The following ADGRL3 variants were observed in gnomAD, a reference collection of about 807,000 sequenced individuals.
The protein encoded by ADGRL3 is adhesion G protein-coupled receptor L3, also known as calcium-independent alpha-latrotoxin receptor 3.
ADGRL3 carries 62 observed loss-of-function variants against 153.5 expected under a neutral mutation model. The ratio of observed to expected loss-of-function variants is 0.40; its 90% confidence interval spans 0.33 to 0.50. The LOEUF is 0.50. Among genes scored for constraint, ADGRL3 ranks in the 20% least tolerant of loss-of-function variants. The pLI is 0.47. For synonymous variants in ADGRL3, 710 were observed against 672.5 expected, an observed-to-expected ratio of 1.06 and a Z score of -0.86; for missense variants, 1,641 against 1,859.4, an observed-to-expected ratio of 0.88 and a Z score of 2.16.
intron 4 of ADGRL3, among the ~76,000 whole-genome samples, chr4:61,586,334 C>T (rs1315299230): frequency 6.6e-6 from 1 of 151,928 alleles, no homozygotes; most frequent in Non-Finnish European, 1.5e-5. Flanking sequence ...GACACAAAAA[C>T]ACCAAGACCT....
At chr4:61,287,240 T>C (rs1429366612) in intron 1 of ADGRL3, among the ~76,000 whole-genome samples, 2 of 151,908 alleles carry the variant, frequency 1.3e-5, no homozygotes, top group Admixed American at 6.6e-5. Context: ...TTGAATACTT[T>C]AGGATTTTAG....
At chr4:61,460,374 G>A (rs532052642) in intron 2 of ADGRL3, among the ~76,000 whole-genome samples, 83 of 152,200 alleles carry the variant, frequency 5.5e-4, no homozygotes, top group African/African-American at 1.8e-3. Flanking sequence ...CCATAAAAGG[G>A]AATGAAATTC....
chr4:61,901,276 C>T (rs374196294), intron 11 of ADGRL3, among the ~76,000 whole-genome samples: 4 of 152,228 alleles, frequency 2.6e-5, no homozygotes, highest in East Asian at 3.9e-4. Flanking sequence ...CCAGATACCG[C>T]GAGGTTATTC....
At chr4:61,497,776 G>A (rs1184053311) in intron 3 of ADGRL3, among the ~76,000 whole-genome samples, 1 of 150,568 alleles carries the variant, frequency 6.6e-6, no homozygotes, top group Non-Finnish European at 1.5e-5. Context: ...CGCCCTCCTT[G>A]GCCTCCCAAA....
chr4:61,239,677 A>C (rs1333798574), intron 1 of ADGRL3, among the ~76,000 whole-genome samples: 1 of 152,108 alleles, frequency 6.6e-6, no homozygotes, highest in Non-Finnish European at 1.5e-5. Context: ...AAAAAAGAAG[A>C]AGCTGGAAAT....
intron 19 of ADGRL3, among the ~76,000 whole-genome samples, chr4:61,985,439 T>G (rs17292128): frequency 6.6e-6 from 1 of 151,846 alleles, no homozygotes; most frequent in Admixed American, 6.6e-5. Flanking sequence ...AAATGAACAC[T>G]ATGGAAAATG....
chr4:61,438,726 T>A (rs2097486562), intron 2 of ADGRL3, among the ~76,000 whole-genome samples: 1 of 147,372 alleles, frequency 6.8e-6, no homozygotes, highest in Non-Finnish European at 1.5e-5. Flanking sequence ...TTTTTTTTTT[T>A]AGACGGAGTC....
intron 15 of ADGRL3, among the ~76,000 whole-genome samples, chr4:61,937,754 G>T (rs776675251): frequency 6.6e-6 from 1 of 152,122 alleles, no homozygotes; most frequent in Non-Finnish European, 1.5e-5. Context: ...GTACTTCAGT[G>T]CCTGGTCCAT....
At chr4:61,958,588 A>G (rs902683719) in intron 17 of ADGRL3, among the ~76,000 whole-genome samples, 1 of 152,136 alleles carries the variant, frequency 6.6e-6, no homozygotes, top group Non-Finnish European at 1.5e-5. Context: ...TCATGGCAGA[A>G]GGTGAAGGGG....
chr4:61,773,995 G>A (rs1021742372), intron 8 of ADGRL3, among the ~76,000 whole-genome samples: 64 of 152,104 alleles, frequency 4.2e-4, no homozygotes, highest in Admixed American at 4.2e-3. Flanking sequence ...TTTGCTATCC[G>A]CAGTTTCAGT....
intron 23 of ADGRL3, among the ~76,000 whole-genome samples, chr4:62,036,010 C>T (rs1289555572): frequency 6.6e-6 from 1 of 152,136 alleles, no homozygotes; most frequent in African/African-American, 2.4e-5. Flanking sequence ...ACACACATAA[C>T]TGGCTACAGC....
At chr4:61,407,717 T>C (rs2097021278) in intron 2 of ADGRL3, among the ~76,000 whole-genome samples, 1 of 152,174 alleles carries the variant, frequency 6.6e-6, no homozygotes, top group South Asian at 2.1e-4. Flanking sequence ...CTGCATTAGC[T>C]CATATGAAAT....
intron 1 of ADGRL3, among the ~76,000 whole-genome samples, chr4:61,322,757 C>T (rs2095386650): frequency 6.6e-6 from 1 of 152,188 alleles, no homozygotes; most frequent in African/African-American, 2.4e-5. Context: ...TACAGCCTCC[C>T]TCCCAGCTGC....
At position 61,632,287 on chromosome 4, in the gene ADGRL3, G is replaced by A. The variant is rs187591350; in HGVS notation, c.474-44539G>A. On this transcript the variant is annotated intron_variant, in intron 5 of 26. Transcript: ENST00000683033. ...AATAATCTTTTCATGTTAAATAAATGTCTATATATATATTGTGAAAGTCAC... is the reference window on the plus strand; with the variant it reads ...AATAATCTTTTCATGTTAAATAAATATCTATATATATATTGTGAAAGTCAC... Among the ~76,000 whole-genome samples, 60 of 152,234 alleles carry A rather than the reference G, an allele frequency of 3.9e-4. No individual in the cohort carries two copies. In the East Asian group the frequency reaches 9.5e-3, roughly 24 times the overall value.
At position 62,072,294 on chromosome 4, in the gene ADGRL3, A is replaced by G. The variant is rs1433278312; in HGVS notation, c.*1386A>G. On this transcript the variant is annotated 3_prime_UTR_variant, in exon 27 of 27. Transcript: ENST00000683033. ...ACAGGATTTTGAGTAATGTAGGAAT[A>G]CAAAAGGTAAATTAGCAGCACATAT... 6.6e-6 allele frequency: 1 copy of G among 152,618 alleles called. No homozygotes were observed. The highest frequency in any genetic ancestry group is 1.5e-5 in the Non-Finnish European group (1 of 68,036). The allele number at this position is 152,618 out of a possible 1,614,324, so 9.5% of individuals were successfully genotyped here.
At chr4:61,627,590 C>T (rs1365247998) in intron 5 of ADGRL3, among the ~76,000 whole-genome samples, 1 of 152,082 alleles carries the variant, frequency 6.6e-6, no homozygotes, top group Non-Finnish European at 1.5e-5. Context: ...CACTGCACTC[C>T]AGCCTGGGCA....
intron 6 of ADGRL3, among the ~76,000 whole-genome samples, chr4:61,694,179 ATTTTTTTTTTTTTTTTT>A (rs554084495): frequency 3.7e-5 from 1 of 26,672 alleles, no homozygotes; most frequent in Non-Finnish European, 7.1e-5. Context: ...TTTTGTCATT[ATTTTTTTTTTTTTTTTT>A]TTTTTTTTTT....
In ADGRL3 at chr4:62,072,593, T is replaced by G. The variant is rs1746037184; in HGVS notation, c.*1685T>G. ...AATCAATCTGCCTAGATGAATAAGC[T>G]AAGCACAAAATCATACAGGTTTGCA... On this transcript the variant is annotated 3_prime_UTR_variant, in exon 27 of 27. Transcript: ENST00000683033. The G allele has an allele frequency of 6.6e-6, 1 of 152,286 alleles. No homozygotes were observed. Among genetic ancestry groups the G allele is most frequent in the Non-Finnish European group, 1.5e-5 (1 of 68,024 alleles). The allele number at this position is 152,286 out of a possible 1,614,324, so 9.4% of individuals were successfully genotyped here. A position where few individuals can be genotyped will look rare whatever the true frequency, so the allele number is the denominator to read the frequency against.
At position 61,214,630 on chromosome 4, in the gene ADGRL3, CT is replaced by C. The variant is rs767471542; in HGVS notation, c.-240+12866del. Among the ~76,000 whole-genome samples, 86 of 152,106 alleles carry C rather than the reference CT, an allele frequency of 5.7e-4. 2 individuals carry two copies. Among genetic ancestry groups the C allele is most frequent in the Non-Finnish European group, 4.9e-4 (33 of 68,020 alleles). On this transcript the variant is annotated intron_variant, in intron 1 of 26. Transcript: ENST00000683033. The stretch of plus-strand genomic sequence containing the variant: ...GGTGTAACCTCAGTTAGAGATCTGT[CT>C]GTAGGAATAAGAGTTAGGTACAGGC...
Sources: gnomAD v4.1 joint callset for allele counts (sites outside exome capture counted in the v4.1 genomes callset) on GRCh38, gnomAD v4.1.1 for gene constraint, MANE v1.5 for transcripts, NCBI Gene and HGNC (gene_info 2026-07-23, HGNC 2026-07-21) for gene names.